Variants in HSPBAP1 observed in about 807,000 individuals in gnomAD.
HSPBAP1 encodes HSPB1 associated protein 1, also known as HSPB1-associated protein 1.
A neutral mutation model predicts 45.2 loss-of-function variants in HSPBAP1; 27 were observed. The observed-to-expected ratio is 0.60, with a 90% CI of 0.44 to 0.82. The LOEUF (loss-of-function observed/expected upper bound fraction) is 0.82. Ranked by LOEUF, HSPBAP1 falls within the 40% of genes least tolerant of loss-of-function variation. The probability of loss-of-function intolerance (pLI) is 0.00; values close to 1 mark genes in which losing one functional copy is unlikely to be tolerated. For missense variants in HSPBAP1, 510 were observed against 590.9 expected (o/e 0.86, Z 1.42); for synonymous variants, 204 against 202.7 (o/e 1.01, Z -0.06).
rs541014870 is a variant in HSPBAP1 at position 122,740,038 on chromosome 3, G to A, written c.*307C>T. 2.1e-4 allele frequency: 39 copies of A among 184,196 alleles called. 1 individual carries two copies. In the East Asian group the frequency reaches 3.9e-3, roughly 19 times the overall value. 11.4% of individuals were successfully genotyped at this position (184,196 alleles called of 1,614,324 possible). A position where few individuals can be genotyped will look rare whatever the true frequency, so the allele number is the denominator to read the frequency against. On this transcript the variant is annotated 3_prime_UTR_variant, in exon 8 of 8. Transcript: ENST00000306103. ...ATTTTATTTGCAAAAGTAAGCAGCCGGTTGGTCCCTGGTTGAGGCTGAGGA... is the reference window on the plus strand; with the variant it reads ...ATTTTATTTGCAAAAGTAAGCAGCCAGTTGGTCCCTGGTTGAGGCTGAGGA...
At chr3:122,784,639 G>A (rs1280885863) in intron 1 of HSPBAP1, among the ~76,000 whole-genome samples, 1 of 152,184 alleles carries the variant, frequency 6.6e-6, no homozygotes, top group African/African-American at 2.4e-5. Context: ...AACAGGGGTG[G>A]CAGTGAGTAA....
intron 2 of HSPBAP1, among the ~76,000 whole-genome samples, chr3:122,775,228 G>C (rs1378562718): frequency 6.6e-6 from 1 of 152,006 alleles, no homozygotes; most frequent in African/African-American, 2.4e-5. Context: ...TGGGTAGTGG[G>C]ACCTTTGCAA....
intron 1 of HSPBAP1, among the ~76,000 whole-genome samples, chr3:122,786,803 A>G (rs1935674172): frequency 6.6e-6 from 1 of 152,252 alleles, no homozygotes; most frequent in African/African-American, 2.4e-5. Context: ...GCATATTTAC[A>G]GAATTTCAGG....
chr3:122,780,332 G>C (rs1935386988), intron 1 of HSPBAP1, among the ~76,000 whole-genome samples: 1 of 112,974 alleles, frequency 8.9e-6, no homozygotes, highest in Non-Finnish European at 1.9e-5. Context: ...CGGGCGGGGG[G>C]CTGACCCCCC....
At chr3:122,783,044 G>A (rs1935542207) in intron 1 of HSPBAP1, among the ~76,000 whole-genome samples, 1 of 152,194 alleles carries the variant, frequency 6.6e-6, no homozygotes. Flanking sequence ...TTCTAAGTGA[G>A]GAGGGCAGCG....
chr3:122,785,639 G>A (rs775117893), intron 1 of HSPBAP1, among the ~76,000 whole-genome samples: 23 of 152,118 alleles, frequency 1.5e-4, no homozygotes, highest in Admixed American at 2.6e-4. Flanking sequence ...GTGGGACCCC[G>A]TTACAGTAGT....
chr3:122,756,696 T>C (rs1231527272), intron 4 of HSPBAP1, among the ~76,000 whole-genome samples: 3 of 141,968 alleles, frequency 2.1e-5, no homozygotes, highest in Non-Finnish European at 4.6e-5. Context: ...AAACCTTGTA[T>C]CTAAAAAAAA....
At position 122,752,665 on chromosome 3, in the gene HSPBAP1, C is replaced by T. The variant is rs774372337; in HGVS notation, c.751G>A (p.Val251Ile). Residue 251 changes from valine to isoleucine, a missense_variant, in exon 6 of 8, where the codon GTT becomes ATT. By Grantham distance (29) the Val-to-Ile change is conservative (BLOSUM62 3). Transcript: ENST00000306103. ...VTLSPGQVLF[V>I]PRHWWHYVES... Reference sequence around the variant, plus strand: ...ACGTAATGCCACCAGTGTCTGGGAACAAAGAGAACCTGAAAACCAAACAAA... The same window carrying T: ...ACGTAATGCCACCAGTGTCTGGGAATAAAGAGAACCTGAAAACCAAACAAA... 6 of 1,604,908 alleles carry T rather than the reference C, an allele frequency of 3.7e-6. No homozygotes were observed. The Admixed American group carries it at 1.0e-4, about 27-fold the overall frequency.
intron 6 of HSPBAP1, among the ~76,000 whole-genome samples, chr3:122,752,279 G>A (rs1232108617): frequency 6.6e-6 from 1 of 152,110 alleles, no homozygotes; most frequent in Non-Finnish European, 1.5e-5. Context: ...GACACATATC[G>A]GCAAATCTGG....
chr3:122,742,867 T>C (rs564026355), intron 6 of HSPBAP1, among the ~76,000 whole-genome samples: 1 of 152,202 alleles, frequency 6.6e-6, no homozygotes, highest in Non-Finnish European at 1.5e-5. Context: ...AAAGTAAATC[T>C]CAATCTCTTG....
At chr3:122,762,552 A>G (rs1934631157) in intron 3 of HSPBAP1, among the ~76,000 whole-genome samples, 1 of 152,184 alleles carries the variant, frequency 6.6e-6, no homozygotes, top group African/African-American at 2.4e-5. Context: ...GTTGCTTAGC[A>G]TATCTCTTCA....
chr3:122,775,239 G>A (rs1935150331), intron 2 of HSPBAP1, among the ~76,000 whole-genome samples: 1 of 151,988 alleles, frequency 6.6e-6, no homozygotes, highest in Non-Finnish European at 1.5e-5. Flanking sequence ...ACCTTTGCAA[G>A]TCATATACTT....
chr3:122,742,690 T>G (rs991254955), intron 6 of HSPBAP1, among the ~76,000 whole-genome samples: 1 of 152,230 alleles, frequency 6.6e-6, no homozygotes, highest in African/African-American at 2.4e-5. Context: ...ATGTATGTGG[T>G]CCTTACCCAA....
chr3:122,749,275 A>G (rs1934043075), intron 6 of HSPBAP1, among the ~76,000 whole-genome samples: 1 of 152,136 alleles, frequency 6.6e-6, no homozygotes. Flanking sequence ...GATGAAAGGC[A>G]GACTTCCCTG....
intron 3 of HSPBAP1, among the ~76,000 whole-genome samples, chr3:122,761,361 A>G (rs917479321): frequency 3.3e-5 from 5 of 151,710 alleles, no homozygotes; most frequent in Admixed American, 1.3e-4. Flanking sequence ...ACCCTGTTCT[A>G]GAGCCCTGCT....
At chr3:122,778,529 T>TA (rs746072107) in intron 1 of HSPBAP1, among the ~76,000 whole-genome samples, 8,062 of 150,288 alleles carry the variant, frequency 0.054, 285 homozygotes, top group Middle Eastern at 0.11. Flanking sequence ...TTTTATTTTT[T>TA]TTTTTTTTTT....
chr3:122,752,834 CT>C, intron 5 of HSPBAP1, 160 bp from the exon 6 acceptor site: 6 of 1,386,218 alleles, frequency 4.3e-6, no homozygotes, highest in Admixed American at 3.5e-5. Flanking sequence ...CCCCGCAAAC[CT>C]TTTTTCCTTT....
At chr3:122,781,542 G>A (rs957594278) in intron 1 of HSPBAP1, among the ~76,000 whole-genome samples, 22 of 152,106 alleles carry the variant, frequency 1.4e-4, no homozygotes, top group Non-Finnish European at 1.3e-4. Context: ...GAGGCAGACC[G>A]TAGGAGAGGG....
chr3:122,787,541 T>C (rs1435082242), intron 1 of HSPBAP1, among the ~76,000 whole-genome samples: 1 of 152,170 alleles, frequency 6.6e-6, no homozygotes, highest in Non-Finnish European at 1.5e-5. Context: ...TAAAAACCTT[T>C]AGAAGTTGAC....
Sources: allele counts gnomAD v4.1 joint callset (sites outside exome capture counted in the v4.1 genomes callset), GRCh38; gene constraint gnomAD v4.1.1; transcripts MANE v1.5; gene names NCBI Gene and HGNC (gene_info 2026-07-23, HGNC 2026-07-21).